Variants in RSRP1 observed in about 807,000 individuals in gnomAD.
RSRP1 encodes the protein arginine and serine rich protein 1.
In RSRP1, 37 loss-of-function variants were observed where a neutral mutation model predicts 33.0. That is an observed-to-expected ratio of 1.12 (90% CI 0.86 to 1.48). The LOEUF is 1.48. RSRP1 is among the 40% of genes most tolerant of loss of function. The pLI, the probability that RSRP1 is intolerant of heterozygous loss-of-function variation, is 0.00. For missense variants in RSRP1, 402 were observed against 385.3 expected (o/e 1.04, Z -0.36); for synonymous variants, 167 against 158.7 (o/e 1.05, Z -0.40).
upstream of RSRP1, among the ~76,000 whole-genome samples, chr1:25,252,155 C>T (rs1571530249): frequency 6.6e-6 from 1 of 151,988 alleles, no homozygotes; most frequent in East Asian, 1.9e-4. Flanking sequence ...CCTCCCTCTC[C>T]CAGGTTCAAG....
At chr1:25,305,583 T>G (rs1371437168) in intron 1 of RSRP1, among the ~76,000 whole-genome samples, 9 of 118,922 alleles carry the variant, frequency 7.6e-5, no homozygotes, top group African/African-American at 2.6e-4. Context: ...GTGTATGTAT[T>G]TTGTTGTTGT....
intron 1 of RSRP1, chr1:25,267,992 C>A (rs1401096484): frequency 7.5e-6 from 1 of 133,732 alleles, no homozygotes; most frequent in Non-Finnish European, 1.8e-5. Flanking sequence ...CGCGACTGAG[C>A]CGCGGGGGTG....
In RSRP1 at chr1:25,328,898, T is replaced by G; in HGVS notation, c.-67+9080A>C. On this transcript the variant is annotated intron_variant, in intron 1 of 1. Transcript: ENST00000561867. ...AAAAATGTTTGTTTTGCTTTTACAG[T>G]TTCCTCATTTGGCTGTTGGATTTTA... 1.6e-6 allele frequency: 2 copies of G among 1,220,872 alleles called. 1 individual carries two copies. Among genetic ancestry groups the G allele is most frequent in the Non-Finnish European group, 2.4e-6 (2 of 844,998 alleles). The allele number at this position is 1,220,872 out of a possible 1,614,324, so 75.6% of individuals were successfully genotyped here.
intron 1 of RSRP1, among the ~76,000 whole-genome samples, chr1:25,262,845 T>C (rs1408145683): frequency 2.0e-5 from 3 of 152,200 alleles, no homozygotes; most frequent in East Asian, 1.9e-4. Flanking sequence ...CACCTGCACA[T>C]TGAGGGCGGA....
At chr1:25,270,947 A>G (rs1640485600) in intron 1 of RSRP1, among the ~76,000 whole-genome samples, 1 of 130,304 alleles carries the variant, frequency 7.7e-6, no homozygotes, top group South Asian at 2.4e-4. Context: ...GTGCTAACAT[A>G]TTATTTTATA....
chr1:25,243,484 AAC>A, intron 4 of RSRP1, 64 bp downstream of exon 4: 1 of 1,578,582 alleles, frequency 6.3e-7, no homozygotes, highest in Non-Finnish European at 8.6e-7. Flanking sequence ...CAAAGATAAA[AAC>A]ACAAAGATGC....
intron 1 of RSRP1, among the ~76,000 whole-genome samples, chr1:25,260,962 T>C (rs1332215793): frequency 6.6e-6 from 1 of 151,902 alleles, no homozygotes; most frequent in Non-Finnish European, 1.5e-5. Flanking sequence ...CCATCATGTC[T>C]GGCTAATTTT....
Position 25,332,375 on chromosome 1 carries a change from T to C in RSRP1, c.-67+5603A>G, listed in dbSNP as rs773563405. On this transcript the variant is annotated intron_variant, in intron 1 of 1. Coordinates refer to the RSRP1 transcript ENST00000561867. ...CTTATTTCCCACATTGCCAATTCCA[T>C]TTCAATTAACTATAATAGCTATGTC... Among the ~76,000 whole-genome samples, 22 of 132,128 alleles carry C rather than the reference T, an allele frequency of 1.7e-4. 5 individuals are homozygous for C. The highest frequency in any genetic ancestry group is 3.0e-4 in the Admixed American group (4 of 13,544). 86.7% of individuals were successfully genotyped at this position (132,128 alleles called of 152,430 possible). A position where few individuals can be genotyped will look rare whatever the true frequency, so the allele number is the denominator to read the frequency against.
At position 25,305,165 on chromosome 1, in the gene RSRP1, A is replaced by G. The variant is rs550490174; in HGVS notation, c.-67+32813T>C. ...GGTTGACAGCCAAGTGTTGACAGAG[A>G]AGTAGTATTAGCCAGGCAGAGACAT... On this transcript the variant is annotated intron_variant, in intron 1 of 1. Coordinates refer to the RSRP1 transcript ENST00000561867. 9.2e-5 allele frequency among the ~76,000 whole-genome samples: 12 copies of G among 130,580 alleles called. 1 individual carries two copies. The highest frequency in any genetic ancestry group is 2.6e-4 in the African/African-American group (10 of 37,988). 85.7% of individuals were successfully genotyped at this position (130,580 alleles called of 152,430 possible).
chr1:25,261,802 A>C (rs1640165668), intron 1 of RSRP1, among the ~76,000 whole-genome samples: 1 of 139,054 alleles, frequency 7.2e-6, no homozygotes, highest in East Asian at 2.1e-4. Flanking sequence ...ACCTCTGTCT[A>C]CCATGTTCAA....
Position 25,257,879 on chromosome 1 carries a change from G to C in RSRP1, c.-66-10850C>G, listed in dbSNP as rs28670352. Among the ~76,000 whole-genome samples the C allele has an allele frequency of 5.8e-3, 882 of 152,220 alleles. 10 individuals carry two copies. The highest frequency in any genetic ancestry group is 0.02 in the African/African-American group (822 of 41,522). On this transcript the variant is annotated intron_variant, in intron 1 of 1. Transcript: ENST00000561867. ...GCCCACCTCAGTCTCCCAAAGTACT[G>C]GGATTACAGGCGTGAGCCACCATAC...
intron 1 of RSRP1, among the ~76,000 whole-genome samples, chr1:25,259,648 G>A (rs1204731627): frequency 6.6e-6 from 1 of 151,978 alleles, no homozygotes; most frequent in Non-Finnish European, 1.5e-5. Flanking sequence ...GATTACAAGT[G>A]CACACTACCA....
At chr1:25,331,355 C>G (rs1645002877) in intron 1 of RSRP1, among the ~76,000 whole-genome samples, 1 of 130,998 alleles carries the variant, frequency 7.6e-6, no homozygotes, top group African/African-American at 2.6e-5. Flanking sequence ...TTCTTTAAAG[C>G]ACCTATTTCC....
rs775596821 is a variant in RSRP1 at position 25,243,554 on chromosome 1, G to C, written c.752C>G (p.Ser251Cys). The C allele has an allele frequency of 3.1e-6, 5 of 1,613,512 alleles. No individual in the cohort carries two copies. The highest frequency in any genetic ancestry group is 1.3e-5 in the African/African-American group (1 of 75,016). Residue 251 changes from serine (S) to cysteine (C), a missense_variant, in exon 4 of 5, where the codon TCT (serine) becomes TGT (cysteine). By Grantham distance (112) the Ser-to-Cys change is moderately radical (BLOSUM62 -1). Transcript: ENST00000243189. Reference sequence around the variant, plus strand: ...TCAATGCCTGGATATACTTACATTAGAGCTAAAAGCTATGCTTCTTTGCTG... The same window carrying C: ...TCAATGCCTGGATATACTTACATTACAGCTAAAAGCTATGCTTCTTTGCTG... The part of the protein sequence containing the change: ...PTQQRSIAFS[S>C]NNSVAKPIQK...
rs780226368 is a variant in RSRP1 at position 25,245,129 on chromosome 1, C to G, written c.672+21G>C. On this transcript the variant is annotated intron_variant, in intron 3 of 4. Transcript: ENST00000243189. ...AGTTGGCTTTCTGAAAGTTTTGTTC[C>G]GACAAACCTAGAATACTTACTTCAG... 13 of 1,614,068 alleles carry G rather than the reference C, an allele frequency of 8.1e-6. 1 individual carries two copies. The East Asian group carries it at 2.9e-4, about 36-fold the overall frequency.
At position 25,289,921 on chromosome 1, in the gene RSRP1, C is replaced by T. The variant is rs602174; in HGVS notation, c.-66-42892G>A. Reference sequence around the variant, plus strand: ...CAAAGGAAGGAAGGAATCATAATAGCGTTAATAAGGCTAGCGTCTTTTCAG... The same window carrying T: ...CAAAGGAAGGAAGGAATCATAATAGTGTTAATAAGGCTAGCGTCTTTTCAG... On this transcript the variant is annotated intron_variant, in intron 1 of 1. Coordinates refer to the RSRP1 transcript ENST00000561867. Among the ~76,000 whole-genome samples, 348 of 130,072 alleles carry T rather than the reference C, an allele frequency of 2.7e-3. 39 individuals carry two copies. Among genetic ancestry groups the T allele is most frequent in the African/African-American group, 8.1e-3 (305 of 37,522 alleles). The allele number at this position is 130,072 out of a possible 152,430, so 85.3% of individuals were successfully genotyped here. A position where few individuals can be genotyped will look rare whatever the true frequency, so the allele number is the denominator to read the frequency against.
rs1396933897 is a variant in RSRP1, at chr1:25,318,933, GC to G, written c.-67+19044del. ...CTTTAATATACCATGTCTGGCCTTA[GC>G]TTTTTGCAGAGTCTTTGTGAAGAAG... On this transcript the variant is annotated intron_variant, in intron 1 of 1. Transcript: ENST00000561867. 5.3e-5 allele frequency among the ~76,000 whole-genome samples: 7 copies of G among 133,110 alleles called. 2 individuals are homozygous for G. The highest frequency in any genetic ancestry group is 5.1e-4 in the Admixed American group (7 of 13,636). 87.3% of individuals were successfully genotyped at this position (133,110 alleles called of 152,430 possible).
At chr1:25,250,012 C>G (rs916482671), upstream of RSRP1, among the ~76,000 whole-genome samples, 5 of 152,198 alleles carry the variant, frequency 3.3e-5, no homozygotes, top group African/African-American at 1.2e-4. Context: ...AACCGGGAGA[C>G]AGCTAGCGCT....
Position 25,247,113 on chromosome 1 carries a change from G to A in RSRP1, c.-66-84C>T, listed in dbSNP as rs1367189810. 3.5e-6 allele frequency: 3 copies of A among 867,528 alleles called. No homozygotes were observed. The African/African-American group carries it at 5.2e-5, about 15-fold the overall frequency. 53.7% of individuals were successfully genotyped at this position (867,528 alleles called of 1,614,324 possible). A position where few individuals can be genotyped will look rare whatever the true frequency, so the allele number is the denominator to read the frequency against. On this transcript the variant is annotated intron_variant, in intron 1 of 4. Transcript: ENST00000243189. ...GGAAGCCACAGTCGGGGAACCTCCG[G>A]GAGGCGGAGCCACGGCGCGGGCGGC...
Sources: gnomAD v4.1 joint callset for allele counts (sites outside exome capture counted in the v4.1 genomes callset) on GRCh38, gnomAD v4.1.1 for gene constraint, MANE v1.5 for transcripts, NCBI Gene and HGNC (gene_info 2026-07-23, HGNC 2026-07-21) for gene names.